The following RANBP9 variants were observed in gnomAD, a reference collection of about 807,000 sequenced individuals.
RANBP9 encodes RAN binding protein 9.
Under a neutral mutation model 84.3 loss-of-function variants are expected in RANBP9, and 15 were observed. The ratio of observed to expected loss-of-function variants is 0.18; its 90% CI spans 0.12 to 0.27. The LOEUF is 0.27. Ranked by LOEUF, RANBP9 falls within the 10% of genes least tolerant of loss-of-function variation. The pLI, the probability that RANBP9 is intolerant of heterozygous loss-of-function variation, is 1.00. For synonymous variants in RANBP9, 392 were observed against 349.6 expected, an observed-to-expected ratio of 1.12 and a Z score of -1.35; for missense variants, 809 against 912.8, an observed-to-expected ratio of 0.89 and a Z score of 1.46.
chr6:13,690,694 A>C (rs1766302408), intron 2 of RANBP9, among the ~76,000 whole-genome samples: 1 of 152,206 alleles, frequency 6.6e-6, no homozygotes, highest in South Asian at 2.1e-4. Context: ...TCTCTCTCAC[A>C]TTTAGAATTA....
chr6:13,633,738 A>C (rs1298986428), intron 11 of RANBP9, among the ~76,000 whole-genome samples: 2 of 152,164 alleles, frequency 1.3e-5, no homozygotes, highest in African/African-American at 4.8e-5. Context: ...TAGTAATACC[A>C]CTCAATCTCA....
chr6:13,700,046 A>C (rs1271719272), intron 1 of RANBP9, among the ~76,000 whole-genome samples: 1 of 152,172 alleles, frequency 6.6e-6, no homozygotes, highest in Non-Finnish European at 1.5e-5. Flanking sequence ...CAAAGTTTAA[A>C]CTTTTAAAAC....
chr6:13,633,638 TTATCAC>T (rs1764852092), intron 11 of RANBP9, among the ~76,000 whole-genome samples: 3 of 152,212 alleles, frequency 2.0e-5, no homozygotes, highest in Non-Finnish European at 2.9e-5. Context: ...CTCCTGCTCT[TTATCAC>T]TGTACTTAAA....
intron 12 of RANBP9, among the ~76,000 whole-genome samples, chr6:13,628,429 T>C (rs1168948790): frequency 6.6e-6 from 1 of 152,182 alleles, no homozygotes; most frequent in African/African-American, 2.4e-5. Context: ...GTTGGAAACA[T>C]GGGTAGGGGT....
intron 2 of RANBP9, among the ~76,000 whole-genome samples, chr6:13,667,494 A>C (rs1042931145): frequency 2.0e-5 from 3 of 152,206 alleles, no homozygotes; most frequent in African/African-American, 7.2e-5. Flanking sequence ...GATGTTCCAC[A>C]TAACAAATGT....
intron 2 of RANBP9, among the ~76,000 whole-genome samples, chr6:13,667,613 T>C (rs111252629): frequency 4.6e-5 from 7 of 152,312 alleles, no homozygotes; most frequent in South Asian, 2.1e-4. Flanking sequence ...ATTTTTACTG[T>C]ATCTTTCCTA....
chr6:13,625,812 T>C, intron 12 of RANBP9, 48 bp from the exon 13 acceptor site: 2 of 1,324,576 alleles, frequency 1.5e-6, no homozygotes, highest in Non-Finnish European at 2.2e-6. Context: ...GTTCAACTAT[T>C]ATGCTCACAA....
intron 5 of RANBP9, among the ~76,000 whole-genome samples, chr6:13,648,870 C>G (rs929106927): frequency 1.3e-5 from 2 of 152,130 alleles, no homozygotes; most frequent in African/African-American, 4.8e-5. Flanking sequence ...GTTCACAGAA[C>G]TGTGCAACTA....
intron 2 of RANBP9, among the ~76,000 whole-genome samples, chr6:13,690,342 C>A (rs1766295322): frequency 1.3e-5 from 2 of 152,114 alleles, no homozygotes; most frequent in Admixed American, 1.3e-4. Flanking sequence ...GTATTGTTTA[C>A]TCTTTGTTCA....
At chr6:13,696,661 T>C (rs551893463) in intron 2 of RANBP9, 124 bp downstream of exon 2, 6 of 717,904 alleles carry the variant, frequency 8.4e-6, no homozygotes, top group South Asian at 7.8e-5. Context: ...TATACTGAAA[T>C]ATTCAGATTC....
At chr6:13,656,875 T>C (rs1345636321) in intron 4 of RANBP9, among the ~76,000 whole-genome samples, 1 of 152,166 alleles carries the variant, frequency 6.6e-6, no homozygotes, top group Non-Finnish European at 1.5e-5. Flanking sequence ...GTGGGGATTA[T>C]TTCTACAGTA....
At chr6:13,641,334 T>G in intron 7 of RANBP9, 27 bp from the exon 8 acceptor site, 1 of 1,415,026 alleles carries the variant, frequency 7.1e-7, no homozygotes, top group Non-Finnish European at 9.8e-7. Flanking sequence ...AGCAAACGAT[T>G]AACTTTTACA....
chr6:13,696,309 T>G (rs982246304), intron 2 of RANBP9, among the ~76,000 whole-genome samples: 1 of 152,214 alleles, frequency 6.6e-6, no homozygotes, highest in Non-Finnish European at 1.5e-5. Context: ...AATTCTCATT[T>G]GGAAATTTCT....
At chr6:13,669,576 C>T (rs573774099) in intron 2 of RANBP9, among the ~76,000 whole-genome samples, 4 of 152,290 alleles carry the variant, frequency 2.6e-5, no homozygotes, top group Non-Finnish European at 5.9e-5. Context: ...CTTGTATTCA[C>T]GATCAATTAA....
chr6:13,670,201 T>C (rs1274676622), intron 2 of RANBP9, among the ~76,000 whole-genome samples: 1 of 150,530 alleles, frequency 6.6e-6, no homozygotes, highest in African/African-American at 2.4e-5. Context: ...GCTGAGGCAT[T>C]AGAATTGCTT....
chr6:13,623,550 T>C (rs1242885796), intron 13 of RANBP9, among the ~76,000 whole-genome samples: 3 of 152,190 alleles, frequency 2.0e-5, no homozygotes, highest in Admixed American at 6.5e-5. Context: ...GAAAGTGTGG[T>C]GTCTTGAGGG....
intron 8 of RANBP9, among the ~76,000 whole-genome samples, chr6:13,640,661 T>A (rs879609720): frequency 1.3e-5 from 2 of 152,152 alleles, no homozygotes; most frequent in Non-Finnish European, 2.9e-5. Flanking sequence ...TAATGAAGAA[T>A]AAATACTCTG....
chr6:13,622,683 G>T (rs569966961), intron 13 of RANBP9, among the ~76,000 whole-genome samples, 191 bp from the exon 14 acceptor site: 5 of 152,262 alleles, frequency 3.3e-5, no homozygotes, highest in Admixed American at 6.5e-5. Flanking sequence ...GGTAGTGTGG[G>T]TATTGTGTAT....
chr6:13,635,167 A>C (rs1441704512), intron 10 of RANBP9, among the ~76,000 whole-genome samples: 2 of 152,252 alleles, frequency 1.3e-5, no homozygotes, highest in Non-Finnish European at 2.9e-5. Flanking sequence ...CACGACAGAG[A>C]GTGAACTCAC....
Sources: gnomAD v4.1 joint callset for allele counts (sites outside exome capture counted in the v4.1 genomes callset) on GRCh38, gnomAD v4.1.1 for gene constraint, MANE v1.5 for transcripts, NCBI Gene and HGNC (gene_info 2026-07-23, HGNC 2026-07-21) for gene names.